The following ROR2 variants were observed in gnomAD, a reference collection of about 807,000 sequenced individuals.
ROR2 encodes ROR family WNT receptor 2.
A neutral mutation model predicts 74.9 loss-of-function variants in ROR2; 33 were observed. The observed-to-expected ratio is 0.44, with a 90% CI of 0.33 to 0.59. The LOEUF (loss-of-function observed/expected upper bound fraction) is 0.59, where lower values mean the gene tolerates loss of function less well. Among genes scored for constraint, ROR2 ranks in the 20% least tolerant of loss-of-function variants. ROR2 has a pLI of 0.02. For missense variants in ROR2, 1,216 were observed against 1,313.8 expected (o/e 0.93, Z 1.15); for synonymous variants, 586 against 558.7 (o/e 1.05, Z -0.69).
chr9:91,877,475 A>G (rs1829988904), intron 1 of ROR2, among the ~76,000 whole-genome samples: 1 of 152,236 alleles, frequency 6.6e-6, no homozygotes, highest in South Asian at 2.1e-4. Context: ...GAGGATGAAG[A>G]AGATCAGATA....
chr9:91,926,919 T>A (rs138128520), intron 1 of ROR2, among the ~76,000 whole-genome samples: 1 of 152,196 alleles, frequency 6.6e-6, no homozygotes, highest in Admixed American at 6.5e-5. Context: ...TGGATGGTAG[T>A]GAGGTGGTGA....
At chr9:91,938,981 T>C (rs1234312589) in intron 1 of ROR2, among the ~76,000 whole-genome samples, 2 of 152,218 alleles carry the variant, frequency 1.3e-5, no homozygotes, top group Non-Finnish European at 2.9e-5. Flanking sequence ...CCAGGCGCAG[T>C]GGCTCATGTC....
At chr9:91,817,812 A>G (rs1169917270) in intron 1 of ROR2, among the ~76,000 whole-genome samples, 1 of 151,974 alleles carries the variant, frequency 6.6e-6, no homozygotes, top group Non-Finnish European at 1.5e-5. Context: ...AAAGAAAACA[A>G]AGGCCCAGCT....
intron 1 of ROR2, among the ~76,000 whole-genome samples, chr9:91,912,039 CTGAGGAACTGTCACAAACTAGAA>C (rs756752908): frequency 1.3e-5 from 2 of 150,044 alleles, no homozygotes; most frequent in Non-Finnish European, 3.0e-5. Flanking sequence ...CAAGGCAATA[CTGAGGAACTGTCACAAACTAGAA>C]ACAAATTAGA....
rs1827121652 is a variant in ROR2, at chr9:91,794,968, A to G, written c.98-19150T>C. Among the ~76,000 whole-genome samples the G allele has an allele frequency of 1.3e-5, 2 of 151,980 alleles. 1 individual carries two copies. The highest frequency in any genetic ancestry group is 4.2e-4 in the South Asian group (2 of 4,818). ...GAAACCCAGTCTCTACTAAAAATACAAAGATTAGCTGGGTGTGGTGGCAGG... is the reference window on the plus strand; with the variant it reads ...GAAACCCAGTCTCTACTAAAAATACGAAGATTAGCTGGGTGTGGTGGCAGG... On this transcript the variant is annotated intron_variant, in intron 1 of 8. Coordinates refer to ENST00000375708, the MANE Select transcript of ROR2 (RefSeq NM_004560.4).
intron 1 of ROR2, among the ~76,000 whole-genome samples, chr9:91,785,135 C>T (rs969429360): frequency 5.3e-5 from 8 of 152,148 alleles, no homozygotes; most frequent in Admixed American, 5.2e-4. Context: ...GGGTGGCCTC[C>T]ACTCCTCATC....
chr9:91,802,067 G>GTT (rs60111555), intron 1 of ROR2, among the ~76,000 whole-genome samples: 1,332 of 103,354 alleles, frequency 0.013, no homozygotes, highest in Non-Finnish European at 0.019. Context: ...TTTGGAAGGT[G>GTT]TTTTTTTTTT....
chr9:91,893,469 G>A (rs1337410883), intron 1 of ROR2, among the ~76,000 whole-genome samples: 3 of 151,988 alleles, frequency 2.0e-5, no homozygotes, highest in African/African-American at 4.8e-5. Context: ...TGCAGGCTGA[G>A]GTCCTTGCAC....
chr9:91,938,077 C>A (rs1393647396), intron 1 of ROR2, among the ~76,000 whole-genome samples: 2 of 152,128 alleles, frequency 1.3e-5, no homozygotes, highest in Non-Finnish European at 2.9e-5. Flanking sequence ...AGTAAATAAA[C>A]AACTTCAGCT....
chr9:91,725,167 G>A, intron 8 of ROR2, 60 bp from the exon 9 acceptor site: 4 of 1,606,364 alleles, frequency 2.5e-6, no homozygotes, highest in Non-Finnish European at 3.4e-6. Flanking sequence ...GGAGGAAGCT[G>A]CAGAGCAGCC....
intron 1 of ROR2, among the ~76,000 whole-genome samples, chr9:91,801,893 C>G (rs1359873430): frequency 1.3e-5 from 2 of 152,148 alleles, no homozygotes; most frequent in Non-Finnish European, 2.9e-5. Flanking sequence ...AGGACCTGGA[C>G]TGAAATGTTT....
intron 1 of ROR2, among the ~76,000 whole-genome samples, chr9:91,791,726 C>T (rs778827858): frequency 3.3e-5 from 5 of 151,904 alleles, no homozygotes; most frequent in African/African-American, 7.3e-5. Flanking sequence ...ACATTATAAA[C>T]CAACTAGATA....
In ROR2 at chr9:91,724,140, C is replaced by T. The variant is rs368059807; in HGVS notation, c.2354G>A (p.Arg785His). The change falls in exon 9 of 9, where the codon CGC (arginine) becomes CAC (histidine). Residue 785 changes from arginine (R) to histidine (H), a missense_variant. Arg to His is a conservative substitution (Grantham distance 29, BLOSUM62 0). Coordinates refer to ENST00000375708, the MANE Select transcript of ROR2 (RefSeq NM_004560.4). The part of the protein sequence containing the change: ...TSPVSNVSNA[R>H]YVGPKQKAPP... ...GGCCTTCTGCTTGGGCCCCACGTAG[C>T]GGGCGTTGCTCACATTGCTCACTGG... 2.8e-5 allele frequency: 45 copies of T among 1,611,118 alleles called. No homozygotes were observed. Among genetic ancestry groups the T allele is most frequent in the East Asian group, 2.7e-4 (12 of 44,890 alleles).
At chr9:91,889,589 A>G (rs10116962) in intron 1 of ROR2, among the ~76,000 whole-genome samples, 88,045 of 151,954 alleles carry the variant, frequency 0.58, 28,146 homozygotes, top group African/African-American at 0.86. Flanking sequence ...AGGGCGGGCC[A>G]GAAGACCACT....
At chr9:91,727,934 C>T (rs1330906071) in intron 7 of ROR2, among the ~76,000 whole-genome samples, 1 of 152,220 alleles carries the variant, frequency 6.6e-6, no homozygotes, top group African/African-American at 2.4e-5. Context: ...AAACCACAAA[C>T]AAAACTTTCT....
intron 1 of ROR2, among the ~76,000 whole-genome samples, chr9:91,869,524 A>G (rs1829734330): frequency 1.3e-5 from 2 of 152,240 alleles, no homozygotes; most frequent in Non-Finnish European, 2.9e-5. Context: ...AACTTGGGTG[A>G]ATGGCAAAGG....
At chr9:91,895,141 A>G (rs930993306) in intron 1 of ROR2, among the ~76,000 whole-genome samples, 1 of 152,240 alleles carries the variant, frequency 6.6e-6, no homozygotes, top group Non-Finnish European at 1.5e-5. Context: ...TTAAATGCCA[A>G]TTGCTAAATG....
At chr9:91,817,508 C>A (rs1363807469) in intron 1 of ROR2, among the ~76,000 whole-genome samples, 6 of 152,356 alleles carry the variant, frequency 3.9e-5, no homozygotes, top group Non-Finnish European at 5.9e-5. Context: ...CTGACCCCTG[C>A]AACTTGCAGG....
chr9:91,792,303 C>CTT (rs1358505448), intron 1 of ROR2, among the ~76,000 whole-genome samples: 7 of 142,324 alleles, frequency 4.9e-5, no homozygotes, highest in Admixed American at 6.9e-5. Context: ...AAAGTTGGTT[C>CTT]TATTTTTTTT....
Sources: gnomAD v4.1 joint callset for allele counts (sites outside exome capture counted in the v4.1 genomes callset) on GRCh38, gnomAD v4.1.1 for gene constraint, MANE v1.5 for transcripts, NCBI Gene and HGNC (gene_info 2026-07-23, HGNC 2026-07-21) for gene names.